The following TFEC variants were observed in gnomAD, a reference collection of about 807,000 sequenced individuals.
The protein encoded by TFEC is transcription factor EC.
Under a neutral mutation model 41.6 loss-of-function variants are expected in TFEC, and 31 were observed. That is an observed-to-expected ratio of 0.74 (90% confidence interval 0.56 to 1.01). The LOEUF (loss-of-function observed/expected upper bound fraction) is 1.01, where lower values mean the gene tolerates loss of function less well. Among genes scored for constraint, TFEC ranks in the 50% least tolerant of loss-of-function variants. The pLI is 0.00. For missense variants in TFEC, 402 were observed against 404.1 expected (o/e 0.99, Z 0.04); for synonymous variants, 143 against 140.6 (o/e 1.02, Z -0.12).
intron 1 of TFEC, among the ~76,000 whole-genome samples, chr7:116,006,975 T>G (rs374703497): frequency 1.3e-5 from 2 of 152,194 alleles, no homozygotes; most frequent in Non-Finnish European, 2.9e-5. Context: ...CCTTCCACCA[T>G]GATTGTGAGG....
chr7:116,031,536 T>C (rs1202717972), upstream of TFEC, among the ~76,000 whole-genome samples: 3 of 152,170 alleles, frequency 2.0e-5, no homozygotes, highest in African/African-American at 2.4e-5. Flanking sequence ...TGTGAAAATC[T>C]GAATTCATTC....
intron 3 of TFEC, among the ~76,000 whole-genome samples, chr7:116,109,161 G>A (rs1797789977): frequency 6.6e-6 from 1 of 151,810 alleles, no homozygotes; most frequent in Non-Finnish European, 1.5e-5. Context: ...ACATAGGCAT[G>A]GGCAAGGACT....
At chr7:115,960,723 G>A (rs1792496950) in intron 3 of TFEC, among the ~76,000 whole-genome samples, 1 of 151,476 alleles carries the variant, frequency 6.6e-6, no homozygotes, top group Admixed American at 6.6e-5. Flanking sequence ...CCTAGGTAAA[G>A]GATTGACAGA....
At chr7:116,000,500 T>C (rs971324795) in intron 1 of TFEC, among the ~76,000 whole-genome samples, 4 of 152,072 alleles carry the variant, frequency 2.6e-5, no homozygotes, top group African/African-American at 7.2e-5. Flanking sequence ...AAGAAGTAAA[T>C]TTATTTGTGT....
At chr7:116,101,953 C>CT (rs1010129352) in intron 3 of TFEC, among the ~76,000 whole-genome samples, 2 of 152,168 alleles carry the variant, frequency 1.3e-5, no homozygotes, top group African/African-American at 4.8e-5. Flanking sequence ...CCATTGCTTA[C>CT]TAGTATCCTT....
intron 2 of TFEC, among the ~76,000 whole-genome samples, chr7:115,977,921 ACT>A (rs1317860662): frequency 1.3e-5 from 2 of 151,748 alleles, no homozygotes; most frequent in Admixed American, 6.6e-5. Context: ...CATAATGATG[ACT>A]CTTAAAATAT....
chr7:115,960,177 A>G (rs1483040680), intron 3 of TFEC, among the ~76,000 whole-genome samples: 1 of 151,676 alleles, frequency 6.6e-6, no homozygotes, highest in African/African-American at 2.4e-5. Context: ...ACAAAGAACA[A>G]AAGTCCAATT....
chr7:116,004,698 AT>A (rs750325240), intron 1 of TFEC, among the ~76,000 whole-genome samples: 15 of 152,304 alleles, frequency 9.8e-5, no homozygotes, highest in Non-Finnish European at 2.1e-4. Context: ...GTAAACCAAA[AT>A]TTTTAAGAAA....
intron 3 of TFEC, among the ~76,000 whole-genome samples, chr7:116,078,151 A>G (rs1485889972): frequency 1.3e-5 from 2 of 152,086 alleles, no homozygotes; most frequent in African/African-American, 4.8e-5. Flanking sequence ...AATACATGCA[A>G]ATTAAATAAC....
At chr7:116,007,533 A>G (rs1225376585) in intron 1 of TFEC, among the ~76,000 whole-genome samples, 2 of 152,218 alleles carry the variant, frequency 1.3e-5, no homozygotes, top group Non-Finnish European at 2.9e-5. Flanking sequence ...GATTATTTTC[A>G]CAAAATGGTT....
chr7:116,114,062 C>T (rs1240221348), intron 1 of TFEC, among the ~76,000 whole-genome samples: 1 of 151,920 alleles, frequency 6.6e-6, no homozygotes, highest in African/African-American at 2.4e-5. Flanking sequence ...AAAGAAAACT[C>T]GTTATCTTAA....
At chr7:116,076,355 A>G (rs181439413) in intron 3 of TFEC, among the ~76,000 whole-genome samples, 2 of 152,252 alleles carry the variant, frequency 1.3e-5, no homozygotes, top group Admixed American at 1.3e-4. Flanking sequence ...GTAATATGAC[A>G]AGACATGTTT....
At chr7:116,010,907 A>T (rs1794977854) in intron 1 of TFEC, among the ~76,000 whole-genome samples, 1 of 152,136 alleles carries the variant, frequency 6.6e-6, no homozygotes, top group Non-Finnish European at 1.5e-5. Context: ...TGATACAGAA[A>T]ACCTTTATTT....
chr7:115,958,594 T>G (rs1792361662), intron 3 of TFEC, among the ~76,000 whole-genome samples: 1 of 151,778 alleles, frequency 6.6e-6, no homozygotes, highest in Non-Finnish European at 1.5e-5. Flanking sequence ...ACCGCAACAA[T>G]AAAGTAAGAG....
chr7:116,051,081 G>C (rs1287359580), intron 3 of TFEC, among the ~76,000 whole-genome samples: 2 of 152,168 alleles, frequency 1.3e-5, no homozygotes, highest in Admixed American at 1.3e-4. Flanking sequence ...CTCGCTCATA[G>C]GTGGGAATTG....
At chr7:116,096,646 G>A (rs1284024208) in intron 3 of TFEC, among the ~76,000 whole-genome samples, 1 of 151,604 alleles carries the variant, frequency 6.6e-6, no homozygotes, top group Non-Finnish European at 1.5e-5. Context: ...GATATTTTGT[G>A]CATTTTAAAC....
chr7:116,066,268 A>G (rs886275662), intron 3 of TFEC, among the ~76,000 whole-genome samples: 1 of 152,080 alleles, frequency 6.6e-6, no homozygotes, highest in Non-Finnish European at 1.5e-5. Context: ...GATCAAATAT[A>G]CTCATTGGAG....
intron 5 of TFEC, among the ~76,000 whole-genome samples, chr7:115,954,305 A>ACAGAATT (rs1351543176): frequency 6.6e-6 from 1 of 152,090 alleles, no homozygotes; most frequent in Non-Finnish European, 1.5e-5. Flanking sequence ...GTGAGTCACA[A>ACAGAATT]CAGAATTCAA....
At chr7:116,060,092 G>T (rs776846634) in intron 3 of TFEC, among the ~76,000 whole-genome samples, 1 of 151,946 alleles carries the variant, frequency 6.6e-6, no homozygotes, top group Non-Finnish European at 1.5e-5. Context: ...ATAACTTCCA[G>T]AATCATCAAG....
Sources: gnomAD v4.1 joint callset for allele counts (sites outside exome capture counted in the v4.1 genomes callset) on GRCh38, gnomAD v4.1.1 for gene constraint, MANE v1.5 for transcripts, NCBI Gene and HGNC (gene_info 2026-07-23, HGNC 2026-07-21) for gene names.